Variants in FBXL20 observed in about 807,000 individuals in gnomAD.
The protein encoded by FBXL20 is F-box/LRR-repeat protein 20.
In FBXL20, 11 loss-of-function variants were observed where a neutral mutation model predicts 64.0. That is an observed-to-expected ratio of 0.17 (90% CI 0.11 to 0.28). The LOEUF (loss-of-function observed/expected upper bound fraction) is 0.28. FBXL20 is among the 10% of genes least tolerant of loss of function. The pLI is 1.00. For missense variants in FBXL20, 303 were observed against 526.2 expected (o/e 0.58, Z 4.15); for synonymous variants, 184 against 189.0 (o/e 0.97, Z 0.22).
Position 39,258,132 on chromosome 17 carries a change from T to A in FBXL20, c.*3328A>T, listed in dbSNP as rs1349459807. The A allele has an allele frequency of 6.6e-6, 1 of 152,200 alleles. No individual in the cohort carries two copies. The highest frequency in any genetic ancestry group is 1.5e-5 in the Non-Finnish European group (1 of 68,040). The allele number at this position is 152,200 out of a possible 1,614,324, so 9.4% of individuals were successfully genotyped here. On this transcript the variant is annotated 3_prime_UTR_variant, in exon 15 of 15. Transcript: ENST00000264658. ...CTCTGTTCACTGTTTTTTTCCATTA[T>A]AAAAGGCATATTTTGGAGTGGCTAT...
At chr17:39,375,460 T>C (rs566863449) in intron 1 of FBXL20, among the ~76,000 whole-genome samples, 84 of 152,132 alleles carry the variant, frequency 5.5e-4, no homozygotes, top group African/African-American at 2.0e-3. Flanking sequence ...AAGATACAAG[T>C]TCTATTGTTC....
intron 2 of FBXL20, among the ~76,000 whole-genome samples, chr17:39,312,660 G>A (rs978174671): frequency 9.6e-5 from 12 of 125,096 alleles, no homozygotes; most frequent in Admixed American, 3.0e-4. Flanking sequence ...TGCAAGCTCC[G>A]CCTCCTGGGT....
intron 6 of FBXL20, among the ~76,000 whole-genome samples, chr17:39,293,100 C>A (rs2047055159): frequency 6.6e-6 from 1 of 151,652 alleles, no homozygotes; most frequent in Admixed American, 6.6e-5. Context: ...GCCAACATGT[C>A]TTACAATTTT....
chr17:39,402,384 G>T (rs549301543), upstream of FBXL20: 5 of 430,782 alleles, frequency 1.2e-5, no homozygotes, highest in Admixed American at 2.2e-4. Flanking sequence ...TTGTCTCCCT[G>T]TGCATGGCTC....
At chr17:39,336,606 A>G (rs761998568) in intron 2 of FBXL20, among the ~76,000 whole-genome samples, 4 of 152,146 alleles carry the variant, frequency 2.6e-5, no homozygotes, top group Admixed American at 6.6e-5. Context: ...TGGGTAAATT[A>G]CGAGGTGAGG....
At chr17:39,337,848 GC>G (rs1567886443) in intron 2 of FBXL20, among the ~76,000 whole-genome samples, 2 of 150,744 alleles carry the variant, frequency 1.3e-5, no homozygotes, top group African/African-American at 4.9e-5. Flanking sequence ...CAGGCCAGCC[GC>G]CCCGTCCAGG....
At chr17:39,277,267 T>C (rs2046906361) in intron 9 of FBXL20, among the ~76,000 whole-genome samples, 1 of 152,198 alleles carries the variant, frequency 6.6e-6, no homozygotes. Flanking sequence ...ACAAACATGA[T>C]GTATTGTCTT....
At chr17:39,306,679 G>A (rs1296957430) in intron 2 of FBXL20, among the ~76,000 whole-genome samples, 4 of 152,140 alleles carry the variant, frequency 2.6e-5, no homozygotes, top group Non-Finnish European at 5.9e-5. Flanking sequence ...AAGTGCTTTT[G>A]GTGATTGAAA....
chr17:39,295,159 G>T (rs773020822), intron 6 of FBXL20, among the ~76,000 whole-genome samples: 30 of 151,920 alleles, frequency 2.0e-4, no homozygotes, highest in Non-Finnish European at 3.8e-4. Flanking sequence ...CTGGGTGATG[G>T]GCTCATTACA....
At chr17:39,380,757 C>G (rs2048014053) in intron 1 of FBXL20, among the ~76,000 whole-genome samples, 1 of 152,156 alleles carries the variant, frequency 6.6e-6, no homozygotes, top group South Asian at 2.1e-4. Context: ...TCTATAAGAA[C>G]ACCAGGATGT....
intron 1 of FBXL20, among the ~76,000 whole-genome samples, chr17:39,386,642 A>T (rs1021980953): frequency 8.6e-5 from 13 of 151,544 alleles, no homozygotes; most frequent in African/African-American, 1.5e-4. Context: ...ATAATAATAA[A>T]TTTTTTTTTG....
chr17:39,317,706 T>A (rs1381552494), intron 2 of FBXL20, among the ~76,000 whole-genome samples: 1 of 63,112 alleles, frequency 1.6e-5, no homozygotes, highest in East Asian at 3.7e-4. Context: ...TTTTTGTTTT[T>A]TTTTTTTTTT....
intron 1 of FBXL20, among the ~76,000 whole-genome samples, chr17:39,392,438 C>CAAAAA (rs67507209): frequency 9.6e-6 from 1 of 103,984 alleles, no homozygotes. Flanking sequence ...AGATTGTCTC[C>CAAAAA]AAAAAAAAAA....
At chr17:39,331,227 A>G (rs1174435421) in intron 2 of FBXL20, among the ~76,000 whole-genome samples, 1 of 152,088 alleles carries the variant, frequency 6.6e-6, no homozygotes, top group Non-Finnish European at 1.5e-5. Context: ...CAGCCTCCCA[A>G]GTAGCTGGGA....
At chr17:39,378,082 T>C (rs2047985886) in intron 1 of FBXL20, among the ~76,000 whole-genome samples, 1 of 152,120 alleles carries the variant, frequency 6.6e-6, no homozygotes. Flanking sequence ...ATACAGACTG[T>C]ACAGAATTAG....
chr17:39,394,137 C>A (rs985239415), intron 1 of FBXL20, among the ~76,000 whole-genome samples: 1 of 152,152 alleles, frequency 6.6e-6, no homozygotes, highest in Non-Finnish European at 1.5e-5. Context: ...CAACTGTGCA[C>A]AAGTAGCTAA....
intron 10 of FBXL20, among the ~76,000 whole-genome samples, chr17:39,272,255 G>A (rs1006296480): frequency 6.6e-6 from 1 of 151,866 alleles, no homozygotes; most frequent in Non-Finnish European, 1.5e-5. Flanking sequence ...GCATGGTGGT[G>A]GGCACGTGTA....
intron 2 of FBXL20, among the ~76,000 whole-genome samples, chr17:39,313,331 T>G (rs953863318): frequency 2.0e-5 from 3 of 151,612 alleles, no homozygotes; most frequent in Admixed American, 1.3e-4. Context: ...CCTCGCTAGT[T>G]CAAGTGATTC....
rs2046681489 is a variant in FBXL20, at chr17:39,254,952, A to T, written c.*6508T>A. On this transcript the variant is annotated 3_prime_UTR_variant, in exon 15 of 15. Coordinates refer to ENST00000264658, the MANE Select transcript of FBXL20 (RefSeq NM_032875.3). ...TCACAAGCACTTATTTAAAAACAAG[A>T]GGCAGAGATGGAAGAAGCGCATATG... is the stretch of plus-strand genomic sequence containing the variant. 6.6e-6 allele frequency: 1 copy of T among 152,536 alleles called. No individual in the cohort carries two copies. The highest frequency in any genetic ancestry group is 6.5e-5 in the Admixed American group (1 of 15,288). The allele number at this position is 152,536 out of a possible 1,614,324, so 9.4% of individuals were successfully genotyped here.
Sources: gnomAD v4.1 joint callset for allele counts (sites outside exome capture counted in the v4.1 genomes callset) on GRCh38, gnomAD v4.1.1 for gene constraint, MANE v1.5 for transcripts, NCBI Gene and HGNC (gene_info 2026-07-23, HGNC 2026-07-21) for gene names.